Variants in MDN1 observed in about 807,000 individuals in gnomAD.
MDN1 encodes the protein midasin AAA ATPase 1.
A neutral mutation model predicts 669.2 loss-of-function variants in MDN1; 266 were observed. The observed-to-expected ratio is 0.40, with a 90% confidence interval of 0.36 to 0.44. The LOEUF (loss-of-function observed/expected upper bound fraction) is 0.44. Ranked by LOEUF, MDN1 falls within the 20% of genes least tolerant of loss-of-function variation. The probability of loss-of-function intolerance (pLI) is 1.00; values close to 1 mark genes in which losing one functional copy is unlikely to be tolerated. For synonymous variants in MDN1, 2,385 were observed against 2,457.1 expected, an observed-to-expected ratio of 0.97 and a Z score of 0.87; for missense variants, 5,940 against 6,754.0, an observed-to-expected ratio of 0.88 and a Z score of 4.22.
intron 20 of MDN1, among the ~76,000 whole-genome samples, chr6:89,755,626 T>A (rs142078892): frequency 5.1e-4 from 77 of 152,260 alleles, no homozygotes; most frequent in Admixed American, 1.8e-3. Flanking sequence ...AACATTAATA[T>A]CACCCTATTT....
intron 71 of MDN1, 23 bp from the exon 72 acceptor site, chr6:89,683,927 G>A: frequency 6.4e-7 from 1 of 1,569,434 alleles, no homozygotes; most frequent in Non-Finnish European, 8.8e-7. Context: ...TGATGTTCAA[G>A]AAATGGCTTT....
intron 11 of MDN1, among the ~76,000 whole-genome samples, chr6:89,777,266 AAT>A (rs1210092015): frequency 1.4e-4 from 21 of 152,204 alleles, no homozygotes; most frequent in African/African-American, 5.1e-4. Flanking sequence ...ATTTACAGAA[AAT>A]ATGAGAGATA....
intron 85 of MDN1, among the ~76,000 whole-genome samples, chr6:89,663,376 A>G (rs1036354403): frequency 1.3e-5 from 2 of 152,182 alleles, no homozygotes; most frequent in Admixed American, 6.5e-5. Flanking sequence ...TCAGGTCTCA[A>G]TCAGAATTGT....
At chr6:89,682,571 G>T (rs1007730045) in intron 73 of MDN1, among the ~76,000 whole-genome samples, 3 of 151,808 alleles carry the variant, frequency 2.0e-5, no homozygotes, top group Non-Finnish European at 2.9e-5. Context: ...AGCCAGGCGT[G>T]GTGGTGGGCA....
intron 27 of MDN1, among the ~76,000 whole-genome samples, chr6:89,746,605 A>AG (rs1816632727): frequency 1.3e-5 from 1 of 79,808 alleles, no homozygotes; most frequent in African/African-American, 4.9e-5. Flanking sequence ...AAAAAAAAAA[A>AG]AAAAAAAAAG....
At chr6:89,735,849 G>A (rs553774654) in intron 33 of MDN1, among the ~76,000 whole-genome samples, 90 of 152,112 alleles carry the variant, frequency 5.9e-4, no homozygotes, top group African/African-American at 2.1e-3. Context: ...GTGAAACCCC[G>A]TCTCTACTAA....
rs201005180 is a variant in MDN1, at chr6:89,701,604, C to A, written c.8381G>T (p.Gly2794Val). Residue 2794 changes from glycine (G) to valine (V), a missense_variant, in exon 55 of 102, where the codon GGT becomes GTT. By Grantham distance (109) the Gly-to-Val change is moderately radical. Around this residue, in one of 5 missense-constraint regions of MDN1, gnomAD observed 2,292 missense variants for 2,638.3 expected, o/e 0.87. Transcript: ENST00000369393. ...CAGGAACTTCTGCAACTTCTTTATACCAGCGAAGCCACCAGTCTGGCTCCC... is the reference window on the plus strand; with the variant it reads ...CAGGAACTTCTGCAACTTCTTTATAACAGCGAAGCCACCAGTCTGGCTCCC... ...CLGSQTGGFA[G>V]IKKLQKFLGR... is the part of the protein sequence containing the mutation. 39 of 1,614,012 alleles carry A rather than the reference C, an allele frequency of 2.4e-5. No individual in the cohort carries two copies. Among genetic ancestry groups the A allele is most frequent in the Non-Finnish European group, 2.9e-5 (34 of 1,179,998 alleles).
intron 46 of MDN1, among the ~76,000 whole-genome samples, chr6:89,714,194 CAA>C (rs1248672822): frequency 6.6e-6 from 1 of 152,144 alleles, no homozygotes; most frequent in East Asian, 1.9e-4. Context: ...TTAAACAACT[CAA>C]AGTTTCCTCT....
At chr6:89,724,988 G>C in intron 38 of MDN1, among the ~76,000 whole-genome samples, 1 of 152,154 alleles carries the variant, frequency 6.6e-6, no homozygotes, top group Non-Finnish European at 1.5e-5. Context: ...TCTTCCAGCT[G>C]ATAACACATC....
intron 17 of MDN1, among the ~76,000 whole-genome samples, chr6:89,760,863 G>C (rs868611182): frequency 6.6e-6 from 1 of 152,254 alleles, no homozygotes. Context: ...ACAGAGTAAT[G>C]AAAGTACAAA....
In MDN1 at chr6:89,741,320, C is replaced by T. The variant is rs898404935; in HGVS notation, c.4449-942G>A. ...AATTATGAGTGAGAAAAAAGTCTAACAAAAAGTTATGACAGTAAAAAAAAA... is the reference window on the plus strand; with the variant it reads ...AATTATGAGTGAGAAAAAAGTCTAATAAAAAGTTATGACAGTAAAAAAAAA... On this transcript the variant is annotated intron_variant, in intron 31 of 101. Transcript: ENST00000369393. Among the ~76,000 whole-genome samples, 3 of 152,022 alleles carry T rather than the reference C, an allele frequency of 2.0e-5. No homozygotes were observed. The East Asian group carries it at 5.8e-4, about 29-fold the overall frequency.
chr6:89,748,621 T>C (rs1013223241), intron 26 of MDN1, among the ~76,000 whole-genome samples: 6 of 152,028 alleles, frequency 3.9e-5, no homozygotes, highest in African/African-American at 1.4e-4. Flanking sequence ...CTAAGCCAAA[T>C]TACATTCTAA....
intron 37 of MDN1, among the ~76,000 whole-genome samples, chr6:89,726,324 G>A (rs1352766126): frequency 6.6e-6 from 1 of 151,868 alleles, no homozygotes; most frequent in Non-Finnish European, 1.5e-5. Context: ...AGACATTGTG[G>A]TGCATGACTG....
At chr6:89,743,382 G>C (rs557215619) in intron 30 of MDN1, 102 bp from the exon 31 acceptor site, 230 of 1,469,314 alleles carry the variant, frequency 1.6e-4, no homozygotes, top group Non-Finnish European at 2.0e-4. Flanking sequence ...GCATTCTGAG[G>C]AAAGTAAGAA....
At position 89,689,971 on chromosome 6, in the gene MDN1, T is replaced by A. The variant is rs1415545205; in HGVS notation, c.10922A>T (p.Gln3641Leu). The change falls in exon 65 of 102, where the codon CAA becomes CTA. Residue 3641 changes from glutamine (Q) to leucine (L), a missense_variant. Around this residue, in one of 5 missense-constraint regions of MDN1, gnomAD observed 2,280 missense variants for 2,576.3 expected, o/e 0.88. Coordinates refer to ENST00000369393, the MANE Select transcript of MDN1 (RefSeq NM_014611.3). ...CLNFARSLWY[Q>L]QTLPPHEAKH... ...TGCTTCATGTGGCGGCAGAGTCTGT[T>A]GATACCAGAGGGATCGAGCAAAGTT... is the stretch of plus-strand genomic sequence containing the variant. 1 of 1,614,116 alleles carries A rather than the reference T, an allele frequency of 6.2e-7. No homozygotes were observed. Among genetic ancestry groups the A allele is most frequent in the Admixed American group, 1.7e-5 (1 of 60,006 alleles).
chr6:89,662,725 G>T, intron 86 of MDN1, 67 bp downstream of exon 86: 1 of 1,508,400 alleles, frequency 6.6e-7, no homozygotes, highest in Non-Finnish European at 9.1e-7. Flanking sequence ...AAATGACAGA[G>T]AATGGTAGGT....
At chr6:89,806,886 C>T (rs1417163053) in intron 1 of MDN1, among the ~76,000 whole-genome samples, 1 of 151,944 alleles carries the variant, frequency 6.6e-6, no homozygotes, top group Non-Finnish European at 1.5e-5. Flanking sequence ...GCCCACTGCA[C>T]TCCAGCCTGG....
At chr6:89,683,608 G>A (rs1811796858) in intron 72 of MDN1, among the ~76,000 whole-genome samples, 1 of 152,228 alleles carries the variant, frequency 6.6e-6, no homozygotes, top group Non-Finnish European at 1.5e-5. Context: ...TTGAGACATA[G>A]CCTGCTTTGT....
At chr6:89,741,224 G>C (rs1422077119) in intron 31 of MDN1, among the ~76,000 whole-genome samples, 1 of 152,162 alleles carries the variant, frequency 6.6e-6, no homozygotes, top group Non-Finnish European at 1.5e-5. Flanking sequence ...ACAGCAGGAT[G>C]CTGTCTCAAA....
Sources: gnomAD v4.1 joint callset for allele counts (sites outside exome capture counted in the v4.1 genomes callset) on GRCh38, gnomAD v4.1.1 for gene constraint, gnomAD v4.1.1 regional missense constraint, MANE v1.5 for transcripts, NCBI Gene and HGNC (gene_info 2026-07-23, HGNC 2026-07-21) for gene names.